ARHGEF3: variants seen among roughly 807,000 people sequenced by gnomAD.
ARHGEF3 encodes the protein 59.8 kDA protein.
A neutral mutation model predicts 63.2 loss-of-function variants in ARHGEF3; 28 were observed. The ratio of observed to expected loss-of-function variants is 0.44; its 90% confidence interval spans 0.33 to 0.61. ARHGEF3 has a LOEUF of 0.61. ARHGEF3 is among the 20% of genes least tolerant of loss of function. The pLI is 0.03. For synonymous variants in ARHGEF3, 266 were observed against 254.2 expected (o/e 1.05, Z -0.44); for missense variants, 533 against 659.3 (o/e 0.81, Z 2.10).
intron 1 of ARHGEF3, among the ~76,000 whole-genome samples, chr3:56,797,180 C>T (rs954830924): frequency 2.6e-5 from 4 of 152,140 alleles, no homozygotes; most frequent in Admixed American, 1.3e-4. Context: ...GTAGCTTGTC[C>T]AAGGTCACAT....
intron 1 of ARHGEF3, among the ~76,000 whole-genome samples, chr3:57,068,968 C>A (rs953134532): frequency 6.7e-6 from 1 of 149,334 alleles, no homozygotes; most frequent in South Asian, 2.1e-4. Flanking sequence ...ATCACCCAAG[C>A]TGGAGTGCTA....
intron 2 of ARHGEF3, among the ~76,000 whole-genome samples, chr3:56,767,362 C>A (rs2035759050): frequency 6.6e-6 from 1 of 151,564 alleles, no homozygotes; most frequent in Non-Finnish European, 1.5e-5. Flanking sequence ...GCGGGCAGAT[C>A]ATGAGGTCAG....
chr3:56,837,173 C>T (rs1380925700), intron 4 of ARHGEF3, among the ~76,000 whole-genome samples: 1 of 151,998 alleles, frequency 6.6e-6, no homozygotes, highest in Non-Finnish European at 1.5e-5. Context: ...TTAGCTTTTG[C>T]AAAGATTGGT....
chr3:56,965,082 C>T (rs186531378), intron 2 of ARHGEF3, among the ~76,000 whole-genome samples: 111 of 152,148 alleles, frequency 7.3e-4, no homozygotes, highest in Non-Finnish European at 9.3e-4. Context: ...GCAAAACCAA[C>T]TCTACAAAAA....
In ARHGEF3 at chr3:56,737,368, A is replaced by G. The variant is rs756794127; in HGVS notation, c.871-13T>C. 1.9e-6 allele frequency: 3 copies of G among 1,603,738 alleles called. No individual in the cohort carries two copies. The highest frequency in any genetic ancestry group is 2.6e-6 in the Non-Finnish European group (3 of 1,172,504). ...GAATGATATTTATCTATGAAAACAA[A>G]GAGGAAAATTAAGTATGGAGGAAAG... On this transcript the variant is annotated splice_polypyrimidine_tract_variant and intron_variant, in intron 7 of 9. Coordinates refer to ENST00000296315, the MANE Select transcript of ARHGEF3 (RefSeq NM_019555.3).
intron 3 of ARHGEF3, among the ~76,000 whole-genome samples, chr3:56,906,292 T>A (rs1289429158): frequency 2.0e-5 from 3 of 152,242 alleles, no homozygotes; most frequent in African/African-American, 7.2e-5. Context: ...CTGAGGCTAG[T>A]GGCCTCCATA....
intron 1 of ARHGEF3, chr3:57,074,323 C>T (rs1706105658): frequency 6.7e-7 from 1 of 1,481,704 alleles, no homozygotes; most frequent in Non-Finnish European, 9.3e-7. Context: ...TGGGCCTTTG[C>T]ACATGCTATG....
At chr3:56,779,092 T>G (rs1366999684) in intron 1 of ARHGEF3, among the ~76,000 whole-genome samples, 1 of 152,192 alleles carries the variant, frequency 6.6e-6, no homozygotes, top group Non-Finnish European at 1.5e-5. Flanking sequence ...GTAGATGGCA[T>G]AAGCTTGATT....
At chr3:56,774,457 C>T (rs939367066) in intron 1 of ARHGEF3, among the ~76,000 whole-genome samples, 5 of 152,154 alleles carry the variant, frequency 3.3e-5, no homozygotes, top group African/African-American at 7.2e-5. Flanking sequence ...CCACGGACAT[C>T]GGTTTCTATA....
At chr3:56,965,351 A>G (rs1475127353) in intron 2 of ARHGEF3, among the ~76,000 whole-genome samples, 2 of 152,222 alleles carry the variant, frequency 1.3e-5, no homozygotes, top group African/African-American at 4.8e-5. Flanking sequence ...CTAGGAAAAT[A>G]TAACTTATTA....
At chr3:56,867,718 G>A (rs995558844) in intron 4 of ARHGEF3, among the ~76,000 whole-genome samples, 1 of 152,108 alleles carries the variant, frequency 6.6e-6, no homozygotes, top group African/African-American at 2.4e-5. Flanking sequence ...CAATCCTCCC[G>A]CCTCAGCCTC....
chr3:56,886,064 TA>T (rs766059915), intron 3 of ARHGEF3, among the ~76,000 whole-genome samples: 1 of 152,192 alleles, frequency 6.6e-6, no homozygotes, highest in Non-Finnish European at 1.5e-5. Flanking sequence ...GGAGTAAAAA[TA>T]AAACAAAGTA....
At chr3:57,059,060 G>A (rs1340360129) in intron 1 of ARHGEF3, among the ~76,000 whole-genome samples, 9 of 151,758 alleles carry the variant, frequency 5.9e-5, no homozygotes, top group African/African-American at 1.9e-4. Flanking sequence ...GTTAATGGGT[G>A]CAGCACGCCA....
chr3:57,029,417 G>A (rs887506048), intron 2 of ARHGEF3, among the ~76,000 whole-genome samples: 19 of 147,360 alleles, frequency 1.3e-4, no homozygotes, highest in Non-Finnish European at 2.7e-4. Context: ...CAACAAGAGC[G>A]AAACTCCGTC....
At chr3:56,961,282 T>C (rs1300816886) in intron 2 of ARHGEF3, among the ~76,000 whole-genome samples, 3 of 152,208 alleles carry the variant, frequency 2.0e-5, no homozygotes, top group African/African-American at 7.2e-5. Context: ...TTATGTAATA[T>C]GATATAGTGG....
chr3:56,916,066 A>C (rs1038035326), intron 3 of ARHGEF3, among the ~76,000 whole-genome samples: 1 of 152,188 alleles, frequency 6.6e-6, no homozygotes, highest in African/African-American at 2.4e-5. Flanking sequence ...TCACCCTCGC[A>C]ACCAAGCAAA....
chr3:56,958,880 C>T (rs1470141691), exon 3 of ARHGEF3: 1 of 1,551,226 alleles, frequency 6.4e-7, no homozygotes, highest in East Asian at 2.4e-5. Context: ...TTTGCCGCTG[C>T]CGTTTAGGCC....
chr3:57,044,810 C>A (rs1388442477), intron 1 of ARHGEF3, among the ~76,000 whole-genome samples: 5 of 152,192 alleles, frequency 3.3e-5, no homozygotes, highest in Non-Finnish European at 5.9e-5. Flanking sequence ...AAGCGGTCAA[C>A]CCCTGCCTGG....
chr3:57,014,531 TACTC>T (rs137994526), intron 2 of ARHGEF3, among the ~76,000 whole-genome samples: 2,491 of 152,294 alleles, frequency 0.016, 77 homozygotes, highest in African/African-American at 0.056. Context: ...TTTCTCACAA[TACTC>T]ACTGATTAAC....
Sources: gnomAD v4.1 joint callset for allele counts (sites outside exome capture counted in the v4.1 genomes callset) on GRCh38, gnomAD v4.1.1 for gene constraint, MANE v1.5 for transcripts, NCBI Gene and HGNC (gene_info 2026-07-23, HGNC 2026-07-21) for gene names.